WDR3: variants seen among roughly 807,000 people sequenced by gnomAD.
The protein encoded by WDR3 is WD repeat domain 3, also known as WD repeat-containing protein 3.
WDR3 carries 81 observed loss-of-function variants against 123.7 expected under a neutral mutation model. The ratio of observed to expected loss-of-function variants is 0.65; its 90% CI spans 0.55 to 0.79. The LOEUF (loss-of-function observed/expected upper bound fraction) is 0.79. WDR3 is among the 30% of genes least tolerant of loss of function. The pLI, the probability that WDR3 is intolerant of heterozygous loss-of-function variation, is 0.00. For missense variants in WDR3, 1,027 were observed against 1,123.2 expected, an observed-to-expected ratio of 0.91 and a Z score of 1.22; for synonymous variants, 390 against 388.8, an observed-to-expected ratio of 1.00 and a Z score of -0.04.
intron 25 of WDR3, among the ~76,000 whole-genome samples, chr1:117,958,299 G>T (rs1652514982): frequency 1.3e-5 from 2 of 152,106 alleles, no homozygotes; most frequent in Non-Finnish European, 2.9e-5. Context: ...CATAATTTGG[G>T]GCAACTTGTA....
rs771575022 is a variant in WDR3 at position 117,953,541 on chromosome 1, A to G, written c.2268A>G (p.Ala756=). Residue 756 remains alanine (A), a splice_region_variant and synonymous_variant, in exon 21 of 27, where the codon GCA becomes GCG. Transcript: ENST00000349139. ...TGKKTIETVK[A]AERIMEAIEL... ...AGAAAACTATTGAAACAGTGAAAGC[A>G]GTAAGTTGATATAGAATGTGGTATC... 5.0e-6 allele frequency: 8 copies of G among 1,612,266 alleles called. No individual in the cohort carries two copies. The highest frequency in any genetic ancestry group is 4.4e-5 in the South Asian group (4 of 91,002).
intron 21 of WDR3, 141 bp from the exon 22 acceptor site, chr1:117,953,866 T>G (rs1188004680): frequency 1.4e-6 from 1 of 706,972 alleles, no homozygotes; most frequent in Admixed American, 3.0e-5. Flanking sequence ...TTAAATGCTT[T>G]TTGGCACTCT....
chr1:117,934,444 T>G (rs747241069), intron 2 of WDR3, 29 bp from the exon 3 acceptor site: 4 of 1,609,862 alleles, frequency 2.5e-6, no homozygotes, highest in Non-Finnish European at 3.4e-6. Context: ...TTAACTCTTC[T>G]ACATTGTTTT....
Position 117,938,460 on chromosome 1 carries a change from T to C in WDR3, c.501-20T>C. ...TTTTCCTAAACAGGCTATATATTTT[T>C]TTCCTGTTTCTTCTTTTAGTGGGAA... On this transcript the variant is annotated intron_variant, in intron 4 of 26. Coordinates refer to ENST00000349139, the MANE Select transcript of WDR3 (RefSeq NM_006784.3). The C allele has an allele frequency of 6.2e-7, 1 of 1,607,734 alleles. No homozygotes were observed. Among genetic ancestry groups the C allele is most frequent in the Non-Finnish European group, 8.5e-7 (1 of 1,175,798 alleles).
At position 117,938,622 on chromosome 1, in the gene WDR3, TCTCTTCCCCTTTCATGG is replaced by T; in HGVS notation, c.579+70_579+86del. On this transcript the variant is annotated intron_variant, in intron 5 of 26. Coordinates refer to ENST00000349139, the MANE Select transcript of WDR3 (RefSeq NM_006784.3). Reference sequence around the variant, plus strand: ...GGCAAAAGGGAAAAGGTGGTGGTCTTCTCTTCCCCTTTCATGGCTCTTTGTTTTTAGTGCACACAGTA... The same window carrying T: ...GGCAAAAGGGAAAAGGTGGTGGTCTTCTCTTTGTTTTTAGTGCACACAGTA... 3.5e-6 allele frequency: 5 copies of T among 1,422,936 alleles called. No homozygotes were observed. The South Asian group carries it at 4.9e-5, about 14-fold the overall frequency. 88.1% of individuals were successfully genotyped at this position (1,422,936 alleles called of 1,614,324 possible). A position where few individuals can be genotyped will look rare whatever the true frequency, so the allele number is the denominator to read the frequency against.
chr1:117,942,611 T>C (rs1651210994), intron 10 of WDR3, 67 bp downstream of exon 10: 1 of 1,415,876 alleles, frequency 7.1e-7, no homozygotes. Context: ...GGCTTTTTCA[T>C]GCTATTTGTA....
chr1:117,952,927 TATA>T lies in WDR3; in HGVS notation c.2152-18_2152-16del. 1 of 1,612,448 alleles carries T rather than the reference TATA, an allele frequency of 6.2e-7. No homozygotes were observed. Among genetic ancestry groups the T allele is most frequent in the Non-Finnish European group, 8.5e-7 (1 of 1,179,082 alleles). Reference sequence around the variant, plus strand: ...CATGTTTTTTTCTCTCAAATTAATGTATATCTATCTCATGGCAGGAAAGAGAAG... The same window carrying T: ...CATGTTTTTTTCTCTCAAATTAATGTTCTATCTCATGGCAGGAAAGAGAAG... On this transcript the variant is annotated splice_polypyrimidine_tract_variant and intron_variant, in intron 19 of 26. Transcript: ENST00000349139.
In WDR3 at chr1:117,948,393, G is replaced by A; in HGVS notation, c.1423-12G>A. On this transcript the variant is annotated splice_polypyrimidine_tract_variant and intron_variant, in intron 12 of 26. Transcript: ENST00000349139. ...TGTTCATTGGAGCTGTGCTCATTTT[G>A]TGTCTTCCCAGACAGGGAAGCTGCA... 6.2e-7 allele frequency: 1 copy of A among 1,612,286 alleles called. No individual in the cohort carries two copies. Among genetic ancestry groups the A allele is most frequent in the South Asian group, 1.1e-5 (1 of 90,894 alleles).
In WDR3 at chr1:117,954,588, TC is replaced by T. The variant is rs769661088; in HGVS notation, c.2373del (p.Ser792AlafsTer5). 2.3e-5 allele frequency: 37 copies of T among 1,612,668 alleles called. No homozygotes were observed. The highest frequency in any genetic ancestry group is 3.0e-5 in the Non-Finnish European group (35 of 1,179,238). On this transcript the variant is annotated frameshift_variant, in exon 23 of 27. Coordinates refer to ENST00000349139, the MANE Select transcript of WDR3 (RefSeq NM_006784.3). LOFTEE classifies it high-confidence loss of function. ...CKAAGKEVPL[P>X]SNPILMAYGS... is the part of the protein sequence containing the mutation. ...TAATAATTTCTTCATAGGTTCCACT[TC>T]CCAGCAACCCCATCCTAATGGCTTA...
intron 2 of WDR3, 106 bp downstream of exon 2, chr1:117,933,596 C>A: frequency 6.9e-7 from 1 of 1,457,326 alleles, no homozygotes; most frequent in Non-Finnish European, 9.5e-7. Flanking sequence ...TTTTTTGTGT[C>A]TGTGCCCTTA....
chr1:117,959,167 A>C, intron 26 of WDR3, 125 bp from the exon 27 acceptor site: 1 of 1,378,852 alleles, frequency 7.3e-7, no homozygotes, highest in East Asian at 2.4e-5. Flanking sequence ...ACAAACAAGA[A>C]AAGTTCTTAA....
chr1:117,957,507 A>C (rs147320703), intron 25 of WDR3, among the ~76,000 whole-genome samples: 335 of 152,294 alleles, frequency 2.2e-3, no homozygotes, highest in African/African-American at 7.7e-3. Flanking sequence ...TACAATCTTA[A>C]GATAGCTCTG....
intron 19 of WDR3, 53 bp downstream of exon 19, chr1:117,952,715 TC>T: frequency 1.3e-6 from 2 of 1,591,186 alleles, no homozygotes; most frequent in Non-Finnish European, 1.7e-6. Context: ...TGACAGGCTG[TC>T]CTAGTTGAAG....
chr1:117,956,932 T>C (rs1652287627), intron 24 of WDR3, 136 bp from the exon 25 acceptor site: 1 of 647,962 alleles, frequency 1.5e-6, no homozygotes, highest in Non-Finnish European at 2.4e-6. Context: ...AGCTTACAGA[T>C]GAATATTTAA....
chr1:117,943,333 G>T, intron 10 of WDR3, 63 bp from the exon 11 acceptor site: 3 of 1,414,978 alleles, frequency 2.1e-6, no homozygotes, highest in Non-Finnish European at 2.9e-6. Flanking sequence ...CCTTTTCCTG[G>T]AAAAAGTAAA....
At position 117,955,370 on chromosome 1, in the gene WDR3, C is replaced by T. The variant is rs1269964153; in HGVS notation, c.2453+12C>T. 1 of 1,610,262 alleles carries T rather than the reference C, an allele frequency of 6.2e-7. No homozygotes were observed. The highest frequency in any genetic ancestry group is 1.3e-5 in the African/African-American group (1 of 74,758). On this transcript the variant is annotated intron_variant, in intron 24 of 26. Transcript: ENST00000349139. ...GGGATCAAGTCGAGGTGAGTGAGTC[C>T]TTGCGCACAATTTTTGTAATCTGTC...
At chr1:117,942,864 G>C (rs114124279) in intron 10 of WDR3, among the ~76,000 whole-genome samples, 170 of 143,164 alleles carry the variant, frequency 1.2e-3, no homozygotes, top group African/African-American at 4.2e-3. Context: ...ACCAAAGTAT[G>C]TATCAGAACC....
intron 2 of WDR3, chr1:117,933,775 A>AT (rs113466456): frequency 1.0e-5 from 4 of 385,658 alleles, no homozygotes; most frequent in East Asian, 5.9e-5. Context: ...TTCCTGATGT[A>AT]TTTTTTCTCT....
At chr1:117,943,259 C>T in intron 10 of WDR3, 137 bp from the exon 11 acceptor site, 1 of 751,364 alleles carries the variant, frequency 1.3e-6, no homozygotes, top group Non-Finnish European at 2.1e-6. Flanking sequence ...AGCCTCAGGG[C>T]ACTCTTACTT....
Sources: gnomAD v4.1 joint callset for allele counts (sites outside exome capture counted in the v4.1 genomes callset) on GRCh38, gnomAD v4.1.1 for gene constraint, MANE v1.5 for transcripts, NCBI Gene and HGNC (gene_info 2026-07-23, HGNC 2026-07-21) for gene names.